The following CNOT6L variants were observed in gnomAD, a reference collection of about 807,000 sequenced individuals.
CNOT6L encodes the protein CCR4-NOT transcription complex subunit 6-like.
In CNOT6L, 7 loss-of-function variants were observed where a neutral mutation model predicts 64.0. The ratio of observed to expected loss-of-function variants is 0.11; its 90% CI spans 0.06 to 0.21. The LOEUF (loss-of-function observed/expected upper bound fraction) is 0.21, where lower values mean the gene tolerates loss of function less well. CNOT6L is among the 10% of genes least tolerant of loss of function. The pLI is 1.00. For missense variants in CNOT6L, 245 were observed against 669.0 expected (o/e 0.37, Z 6.99); for synonymous variants, 193 against 243.4 (o/e 0.79, Z 1.93).
chr4:77,796,226 A>G (rs976804244), intron 1 of CNOT6L, among the ~76,000 whole-genome samples: 2 of 152,132 alleles, frequency 1.3e-5, no homozygotes, highest in Non-Finnish European at 2.9e-5. Context: ...GGGCCTAGAA[A>G]AGCTAACGCT....
At chr4:77,800,606 C>T (rs944749610) in intron 1 of CNOT6L, among the ~76,000 whole-genome samples, 4 of 152,084 alleles carry the variant, frequency 2.6e-5, no homozygotes, top group African/African-American at 9.7e-5. Context: ...TACTTTTGAA[C>T]TGAACCAAAT....
chr4:77,818,969 C>G, intron 1 of CNOT6L: 1 of 667,538 alleles, frequency 1.5e-6, no homozygotes. Flanking sequence ...AGGAGCAGCT[C>G]TCACCTGCGA....
At chr4:77,813,073 G>A (rs1733138826) in intron 1 of CNOT6L, among the ~76,000 whole-genome samples, 1 of 152,030 alleles carries the variant, frequency 6.6e-6, no homozygotes, top group Non-Finnish European at 1.5e-5. Flanking sequence ...TTTGGACAGG[G>A]GTGATGATAC....
At chr4:77,766,634 A>G (rs1726853837) in intron 4 of CNOT6L, among the ~76,000 whole-genome samples, 1 of 151,994 alleles carries the variant, frequency 6.6e-6, no homozygotes, top group African/African-American at 2.4e-5. Flanking sequence ...GAAGAATGAG[A>G]GTTTAGCCAA....
intron 1 of CNOT6L, among the ~76,000 whole-genome samples, chr4:77,796,566 G>C (rs1730875795): frequency 6.6e-6 from 1 of 152,054 alleles, no homozygotes; most frequent in Non-Finnish European, 1.5e-5. Context: ...CATGCTTCTT[G>C]CCTGCGAACC....
chr4:77,803,276 T>C (rs535818637), intron 1 of CNOT6L, among the ~76,000 whole-genome samples: 94 of 152,292 alleles, frequency 6.2e-4, no homozygotes, highest in Admixed American at 3.5e-3. Context: ...AAAATATGTA[T>C]GACTTTTTGT....
At chr4:77,804,102 T>C (rs1055607747) in intron 1 of CNOT6L, among the ~76,000 whole-genome samples, 1 of 152,090 alleles carries the variant, frequency 6.6e-6, no homozygotes, top group Admixed American at 6.6e-5. Context: ...TAACCAAGTA[T>C]GTATAATAAT....
At chr4:77,793,409 A>G (rs1475734103) in intron 1 of CNOT6L, among the ~76,000 whole-genome samples, 1 of 152,210 alleles carries the variant, frequency 6.6e-6, no homozygotes, top group Non-Finnish European at 1.5e-5. Context: ...AGTAATCACA[A>G]CTTTTAAGTT....
intron 3 of CNOT6L, 35 bp from the exon 4 acceptor site, chr4:77,773,201 T>A: frequency 8.0e-7 from 1 of 1,252,782 alleles, no homozygotes. Context: ...TAGTTTAATA[T>A]ACTAAGTTTT....
intron 1 of CNOT6L, among the ~76,000 whole-genome samples, chr4:77,804,310 T>C (rs1391685645): frequency 6.6e-6 from 1 of 151,564 alleles, no homozygotes; most frequent in Non-Finnish European, 1.5e-5. Flanking sequence ...GCTCCTGTAA[T>C]CCCAGCTACT....
At chr4:77,757,046 T>C in intron 4 of CNOT6L, 95 bp from the exon 5 acceptor site, 7 of 558,310 alleles carry the variant, frequency 1.3e-5, no homozygotes, top group Middle Eastern at 4.9e-4. Flanking sequence ...TTTCTTAAAT[T>C]CAATTTCTTA....
chr4:77,813,241 T>C (rs1317333202), intron 1 of CNOT6L, among the ~76,000 whole-genome samples: 3 of 152,128 alleles, frequency 2.0e-5, no homozygotes, highest in African/African-American at 7.2e-5. Context: ...TATAAAACTC[T>C]CAGGACAAAA....
At chr4:77,788,193 C>A (rs1227810409) in intron 1 of CNOT6L, among the ~76,000 whole-genome samples, 1 of 152,092 alleles carries the variant, frequency 6.6e-6, no homozygotes, top group Non-Finnish European at 1.5e-5. Context: ...TGTAAGCGAA[C>A]AGTTTTTTAA....
chr4:77,790,271 ACTGTCT>A (rs1367337072), intron 1 of CNOT6L, among the ~76,000 whole-genome samples: 1 of 152,172 alleles, frequency 6.6e-6, no homozygotes, highest in African/African-American at 2.4e-5. Context: ...ATAACACATC[ACTGTCT>A]GGATGTACCA....
intron 1 of CNOT6L, among the ~76,000 whole-genome samples, chr4:77,778,647 C>T (rs1006623808): frequency 6.6e-6 from 1 of 151,684 alleles, no homozygotes; most frequent in Non-Finnish European, 1.5e-5. Flanking sequence ...CCTTGTGATC[C>T]GCCCGCCTTG....
At chr4:77,788,797 A>G (rs1388520904) in intron 1 of CNOT6L, among the ~76,000 whole-genome samples, 1 of 151,966 alleles carries the variant, frequency 6.6e-6, no homozygotes, top group Non-Finnish European at 1.5e-5. Context: ...TAATACATAT[A>G]TAAAAAATTA....
rs114038111 is a variant in CNOT6L at position 77,800,347 on chromosome 4, A to T, written c.5+18957T>A. Among the ~76,000 whole-genome samples the T allele has an allele frequency of 7.2e-3, 1,085 of 150,240 alleles. 13 individuals are homozygous for T. The highest frequency in any genetic ancestry group is 0.025 in the African/African-American group (1,015 of 40,970). On this transcript the variant is annotated intron_variant, in intron 1 of 11. Coordinates refer to ENST00000504123, the MANE Select transcript of CNOT6L (RefSeq NM_144571.3). ...TGAGACCCTAACTCTACCAAAAAAA[A>T]TTTTTTTTTTTAAAGTAGCCAGGCA...
chr4:77,804,404 G>A (rs977794483), intron 1 of CNOT6L, among the ~76,000 whole-genome samples: 1 of 151,494 alleles, frequency 6.6e-6, no homozygotes, highest in Non-Finnish European at 1.5e-5. Context: ...ACTCCAGCCT[G>A]GGTGATGCAG....
intron 1 of CNOT6L, among the ~76,000 whole-genome samples, chr4:77,789,605 A>G (rs1047198220): frequency 6.6e-6 from 1 of 151,486 alleles, no homozygotes; most frequent in Admixed American, 6.6e-5. Flanking sequence ...GGCTGCAGTG[A>G]GCCATGATCA....
Sources: allele counts gnomAD v4.1 joint callset (sites outside exome capture counted in the v4.1 genomes callset), GRCh38; gene constraint gnomAD v4.1.1; transcripts MANE v1.5; gene names NCBI Gene and HGNC (gene_info 2026-07-23, HGNC 2026-07-21).